Variants in ARHGAP17 observed in about 807,000 individuals in gnomAD.
ARHGAP17 encodes rho GTPase-activating protein 17.
A neutral mutation model predicts 99.5 loss-of-function variants in ARHGAP17; 57 were observed. The observed-to-expected ratio is 0.57, with a 90% CI of 0.46 to 0.71. ARHGAP17 has a LOEUF of 0.71. ARHGAP17 is among the 30% of genes least tolerant of loss of function. The pLI, the probability that ARHGAP17 is intolerant of heterozygous loss-of-function variation, is 0.00. For synonymous variants in ARHGAP17, 417 were observed against 429.6 expected (o/e 0.97, Z 0.36); for missense variants, 1,000 against 1,122.4 (o/e 0.89, Z 1.56).
At chr16:24,998,690 G>A (rs1487451537) in intron 1 of ARHGAP17, among the ~76,000 whole-genome samples, 1 of 152,234 alleles carries the variant, frequency 6.6e-6, no homozygotes, top group African/African-American at 2.4e-5. Flanking sequence ...AATGCTGGCA[G>A]CCCCACACTG....
chr16:24,930,590 C>A, intron 19 of ARHGAP17, 194 bp downstream of exon 19: 1 of 978,520 alleles, frequency 1.0e-6, no homozygotes, highest in Non-Finnish European at 1.6e-6. Context: ...CAGCCACAGA[C>A]AATATGTTAA....
chr16:24,982,398 T>C (rs775284009), intron 1 of ARHGAP17, among the ~76,000 whole-genome samples: 3 of 151,898 alleles, frequency 2.0e-5, no homozygotes, highest in African/African-American at 7.3e-5. Context: ...AGCAAGACTC[T>C]GTCTCAAAAA....
rs1220566148 is a variant in ARHGAP17 at position 24,970,600 on chromosome 16, G to C, written c.199-20C>G. On this transcript the variant is annotated intron_variant, in intron 3 of 19. Coordinates refer to ENST00000289968, the MANE Select transcript of ARHGAP17 (RefSeq NM_001006634.3). ...TTTTTTCTGGAAGATAGAAGACAGT[G>C]TGTGTTTTTCTCATTATTTGATACC... The C allele has an allele frequency of 6.2e-7, 1 of 1,603,888 alleles. No homozygotes were observed. The highest frequency in any genetic ancestry group is 8.5e-7 in the Non-Finnish European group (1 of 1,170,746).
intron 1 of ARHGAP17, among the ~76,000 whole-genome samples, chr16:24,988,741 T>C (rs2052947697): frequency 6.6e-6 from 1 of 152,188 alleles, no homozygotes; most frequent in Admixed American, 6.5e-5. Context: ...TGGAATCTAT[T>C]TGCTATCCCT....
chr16:24,921,886 GGC>G (rs1373813025), intron 19 of ARHGAP17, among the ~76,000 whole-genome samples: 1 of 152,186 alleles, frequency 6.6e-6, no homozygotes, highest in African/African-American at 2.4e-5. Context: ...ACAGAATAGG[GGC>G]TGTCTTGGAT....
Position 24,959,917 on chromosome 16 carries a change from A to G in ARHGAP17, c.636T>C (p.Phe212=), listed in dbSNP as rs766797639. 5.0e-6 allele frequency: 8 copies of G among 1,614,074 alleles called. No homozygotes were observed. Among genetic ancestry groups the G allele is most frequent in the Admixed American group, 3.3e-5 (2 of 60,012 alleles). ...MAKEGEYGKF[F]VTLLEAQADY... is the part of the protein sequence containing the mutation. ...CTCAAGGGAAGGTGCTTACCGTAAC[A>G]AAGAATTTGCCATACTCCCCTTCTT... The change falls in exon 8 of 20, where the codon TTT becomes TTC. Residue 212 remains phenylalanine, a synonymous_variant. Coordinates refer to ENST00000289968, the MANE Select transcript of ARHGAP17 (RefSeq NM_001006634.3).
intron 6 of ARHGAP17, among the ~76,000 whole-genome samples, chr16:24,965,388 T>G (rs1380277770): frequency 1.4e-4 from 22 of 152,188 alleles, no homozygotes; most frequent in Non-Finnish European, 1.6e-4. Context: ...GAGAATGGCG[T>G]GAACCTGGGA....
In ARHGAP17 at chr16:24,989,188, T is replaced by A. The variant is rs1167578100; in HGVS notation, c.54-10183A>T. ...CCTCCACACCTGGGCTCTGACTCAG[T>A]GCTGTGACTGATGGCTGCTGGGGAG... On this transcript the variant is annotated intron_variant, in intron 1 of 19. Coordinates refer to ENST00000289968, the MANE Select transcript of ARHGAP17 (RefSeq NM_001006634.3). Among the ~76,000 whole-genome samples the A allele has an allele frequency of 2.6e-5, 4 of 152,282 alleles. 1 individual carries two copies. In the East Asian group the frequency reaches 5.8e-4, roughly 22 times the overall value.
rs375870749 is a variant in ARHGAP17, at chr16:24,968,672, C to T, written c.373G>A (p.Gly125Ser). Residue 125 changes from glycine to serine, a missense_variant, in exon 5 of 20, where the codon GGC becomes AGC. Transcript: ENST00000289968. ...VEKEIVDPLYGIAEVEIPNIQ... is the reference protein window; with the variant it reads ...VEKEIVDPLYSIAEVEIPNIQ... The stretch of plus-strand genomic sequence containing the variant: ...GGTGAAGCACCCACCTCAGCTATGC[C>T]GTACAGAGGGTCCACGATCTCCTTC... 5.0e-5 allele frequency: 80 copies of T among 1,614,080 alleles called. No homozygotes were observed. The highest frequency in any genetic ancestry group is 1.7e-4 in the Admixed American group (10 of 60,008).
Position 24,960,001 on chromosome 16 carries a change from G to C in ARHGAP17, c.574-22C>G. ...GATCCTGGGTAAATGGAAGATAAGA[G>C]GTTATTGAAGAAAAAAGAAGTGAAA... On this transcript the variant is annotated intron_variant, in intron 7 of 19. Coordinates refer to ENST00000289968, the MANE Select transcript of ARHGAP17 (RefSeq NM_001006634.3). The C allele has an allele frequency of 3.1e-6, 5 of 1,610,714 alleles. No homozygotes were observed. In the South Asian group the frequency reaches 5.5e-5, roughly 18 times the overall value.
intron 2 of ARHGAP17, 53 bp downstream of exon 2, chr16:24,978,913 A>G: frequency 7.2e-7 from 1 of 1,391,146 alleles, no homozygotes; most frequent in Non-Finnish European, 9.7e-7. Flanking sequence ...CTCACATAGG[A>G]ATTTTTTTCC....
intron 1 of ARHGAP17, among the ~76,000 whole-genome samples, chr16:24,994,997 T>C (rs4787662): frequency 0.45 from 68,529 of 151,928 alleles, 16,041 homozygotes; most frequent in African/African-American, 0.58. Flanking sequence ...ACAATCATGG[T>C]GGAAGGGGAA....
Position 24,953,053 on chromosome 16 carries a change from T to A in ARHGAP17, c.853-11A>T, listed in dbSNP as rs770299713. The A allele has an allele frequency of 3.7e-6, 6 of 1,613,360 alleles. No individual in the cohort carries two copies. The highest frequency in any genetic ancestry group is 5.1e-6 in the Non-Finnish European group (6 of 1,179,464). On this transcript the variant is annotated splice_polypyrimidine_tract_variant and intron_variant, in intron 10 of 19. Coordinates refer to ENST00000289968, the MANE Select transcript of ARHGAP17 (RefSeq NM_001006634.3). ...AATTCGGAAAAGGCCCTAAAGATAA[T>A]GAAAAGCCATCAGCATCAAGTGCAG...
chr16:24,980,642 G>A (rs935629984), intron 1 of ARHGAP17, among the ~76,000 whole-genome samples: 2 of 152,136 alleles, frequency 1.3e-5, no homozygotes, highest in Admixed American at 6.5e-5. Flanking sequence ...CTGACCATGA[G>A]GTCAAAGAAC....
chr16:25,015,139 T>TGGC lies in ARHGAP17; in HGVS notation c.53+69_53+70insGCC. ...GAGCCGCCGGACCGCGGAGGAGCCG[T>TGGC]CCCGCCCCCGCGCCCTCCGCCCTCC... On this transcript the variant is annotated intron_variant, in intron 1 of 19. Coordinates refer to ENST00000289968, the MANE Select transcript of ARHGAP17 (RefSeq NM_001006634.3). The TGGC allele has an allele frequency of 2.5e-6, 3 of 1,195,766 alleles. No homozygotes were observed. In the African/African-American group the frequency reaches 5.1e-5, roughly 20 times the overall value. The allele number at this position is 1,195,766 out of a possible 1,614,324, so 74.1% of individuals were successfully genotyped here.
chr16:24,979,938 T>C (rs868514169), intron 1 of ARHGAP17, among the ~76,000 whole-genome samples: 1 of 152,218 alleles, frequency 6.6e-6, no homozygotes, highest in African/African-American at 2.4e-5. Context: ...CCCGAACTCC[T>C]GACCTCAAGT....
intron 12 of ARHGAP17, among the ~76,000 whole-genome samples, chr16:24,951,352 A>G (rs146087225): frequency 2.0e-5 from 3 of 152,320 alleles, no homozygotes; most frequent in Non-Finnish European, 4.4e-5. Context: ...TCTGCCTTTT[A>G]TAACGTTAAT....
rs569307420 is a variant in ARHGAP17, at chr16:24,926,830, G to C, written c.2515+3954C>G. On this transcript the variant is annotated intron_variant, in intron 19 of 19. Coordinates refer to ENST00000289968, the MANE Select transcript of ARHGAP17 (RefSeq NM_001006634.3). ...ATTCAAAAAACCAAGTGGTGCATCA[G>C]AATCAAAATATGGATACCTGGGTTC... is the stretch of plus-strand genomic sequence containing the variant. 5.9e-5 allele frequency among the ~76,000 whole-genome samples: 9 copies of C among 152,314 alleles called. No homozygotes were observed. The East Asian group carries it at 1.7e-3, about 29-fold the overall frequency.
intron 1 of ARHGAP17, among the ~76,000 whole-genome samples, chr16:25,007,007 A>G (rs144693991): frequency 6.6e-6 from 1 of 152,220 alleles, no homozygotes; most frequent in Non-Finnish European, 1.5e-5. Context: ...CTGTCGCAAT[A>G]TAACAGTGAA....
Sources: allele counts gnomAD v4.1 joint callset (sites outside exome capture counted in the v4.1 genomes callset), GRCh38; gene constraint gnomAD v4.1.1; transcripts MANE v1.5; gene names NCBI Gene and HGNC (gene_info 2026-07-23, HGNC 2026-07-21).